RMDN2: variants seen among roughly 807,000 people sequenced by gnomAD.
RMDN2 encodes regulator of microtubule dynamics 2, also known as regulator of microtubule dynamics protein 2.
A neutral mutation model predicts 52.8 loss-of-function variants in RMDN2; 61 were observed. That is an observed-to-expected ratio of 1.16 (90% CI 0.94 to 1.43). The LOEUF (loss-of-function observed/expected upper bound fraction) is 1.43. RMDN2 is among the 40% of genes most tolerant of loss of function. The pLI, the probability that RMDN2 is intolerant of heterozygous loss-of-function variation, is 0.00. For synonymous variants in RMDN2, 180 were observed against 153.1 expected (o/e 1.18, Z -1.30); for missense variants, 592 against 475.3 (o/e 1.25, Z -2.28).
chr2:37,958,806 T>C (rs1669820136), intron 2 of RMDN2, among the ~76,000 whole-genome samples: 1 of 150,820 alleles, frequency 6.6e-6, no homozygotes, highest in Non-Finnish European at 1.5e-5. Flanking sequence ...TTTTCAGAGA[T>C]GTTCCCTCAA....
chr2:37,932,705 C>T (rs1666885837), intron 2 of RMDN2, among the ~76,000 whole-genome samples: 1 of 149,686 alleles, frequency 6.7e-6, no homozygotes, highest in South Asian at 2.1e-4. Context: ...CCCCCACCTC[C>T]CTCCCGGACG....
intron 10 of RMDN2, among the ~76,000 whole-genome samples, chr2:38,055,201 C>T (rs1681811559): frequency 6.6e-6 from 1 of 151,872 alleles, no homozygotes; most frequent in Admixed American, 6.6e-5. Flanking sequence ...CCTAGTTTCA[C>T]TCCTTCCCTC....
intron 10 of RMDN2, among the ~76,000 whole-genome samples, chr2:38,061,305 A>G (rs748093168): frequency 1.1e-4 from 17 of 152,132 alleles, no homozygotes; most frequent in Admixed American, 3.9e-4. Context: ...CTCAAGAGTC[A>G]ATGGCAGGGA....
intron 10 of RMDN2, among the ~76,000 whole-genome samples, chr2:38,066,643 T>A (rs1682294592): frequency 6.6e-6 from 1 of 152,198 alleles, no homozygotes; most frequent in East Asian, 1.9e-4. Flanking sequence ...CCTGTCTTAC[T>A]TATGTCCAAA....
At chr2:37,982,074 G>T (rs1223766648) in intron 5 of RMDN2, among the ~76,000 whole-genome samples, 1 of 151,880 alleles carries the variant, frequency 6.6e-6, no homozygotes, top group Non-Finnish European at 1.5e-5. Context: ...CCTTTCTTCA[G>T]CCCTAAGTTT....
chr2:38,023,157 G>C (rs910485618), intron 10 of RMDN2, among the ~76,000 whole-genome samples: 1 of 152,208 alleles, frequency 6.6e-6, no homozygotes, highest in Non-Finnish European at 1.5e-5. Flanking sequence ...AGATAGGGGA[G>C]CTAAAGCACA....
At position 38,064,670 on chromosome 2, in the gene RMDN2, G is replaced by A. The variant is rs1682196665; in HGVS notation, c.1714-2312G>A. ...TCCATAACAAAATTGTTGGGACTTA[G>A]TCCCTGCTTTTCAATGAATATACCA... On this transcript the variant is annotated intron_variant, in intron 10 of 10. Transcript: ENST00000234195. Among the ~76,000 whole-genome samples the A allele has an allele frequency of 2.6e-5, 4 of 151,934 alleles. No individual in the cohort carries two copies. In the South Asian group the frequency reaches 8.3e-4, roughly 31 times the overall value.
chr2:37,996,808 A>G (rs1435659736), intron 7 of RMDN2, among the ~76,000 whole-genome samples: 1 of 152,124 alleles, frequency 6.6e-6, no homozygotes, highest in Non-Finnish European at 1.5e-5. Context: ...AAGCAAAAAA[A>G]TCAGTGGTAA....
chr2:37,984,879 C>T (rs1673796357), intron 5 of RMDN2, among the ~76,000 whole-genome samples: 2 of 151,074 alleles, frequency 1.3e-5, no homozygotes, highest in South Asian at 2.1e-4. Flanking sequence ...TTTAAATGAA[C>T]AGTATTAAAA....
intron 8 of RMDN2, 193 bp downstream of exon 8, chr2:37,997,707 G>C (rs1483708015): frequency 1.7e-5 from 9 of 544,480 alleles, no homozygotes; most frequent in Non-Finnish European, 2.6e-5. Flanking sequence ...AGAACAACTA[G>C]TTATGCCCTA....
At chr2:38,010,438 T>C (rs904461896) in intron 10 of RMDN2, among the ~76,000 whole-genome samples, 1 of 152,316 alleles carries the variant, frequency 6.6e-6, no homozygotes, top group African/African-American at 2.4e-5. Flanking sequence ...GCCTTGCTGC[T>C]GCCTTGCAGT....
At chr2:38,013,228 C>T (rs150646342) in intron 10 of RMDN2, among the ~76,000 whole-genome samples, 21 of 152,270 alleles carry the variant, frequency 1.4e-4, no homozygotes, top group African/African-American at 4.8e-4. Context: ...AGTTGTTTGC[C>T]TGGAGGCAGT....
chr2:38,063,102 G>T (rs1479594941), intron 10 of RMDN2, among the ~76,000 whole-genome samples: 1 of 152,106 alleles, frequency 6.6e-6, no homozygotes, highest in Non-Finnish European at 1.5e-5. Flanking sequence ...CTTTATAGCA[G>T]CATGATTTAT....
At chr2:37,944,174 A>C (rs1354268002) in intron 2 of RMDN2, among the ~76,000 whole-genome samples, 5 of 152,150 alleles carry the variant, frequency 3.3e-5, no homozygotes, top group Admixed American at 3.3e-4. Context: ...CATAACCTGG[A>C]GATGAGGCCG....
intron 10 of RMDN2, among the ~76,000 whole-genome samples, chr2:38,004,578 A>G (rs1039471759): frequency 6.6e-6 from 1 of 152,032 alleles, no homozygotes; most frequent in Non-Finnish European, 1.5e-5. Flanking sequence ...TCCAGAACCT[A>G]TTCATCCTGC....
chr2:38,014,040 T>C (rs2125237019), intron 10 of RMDN2, among the ~76,000 whole-genome samples: 1 of 151,972 alleles, frequency 6.6e-6, no homozygotes, highest in Middle Eastern at 3.4e-3. Flanking sequence ...AACCCCATCT[T>C]TACTAAAAAA....
chr2:38,039,726 C>T (rs1455068304), intron 10 of RMDN2, among the ~76,000 whole-genome samples: 1 of 152,186 alleles, frequency 6.6e-6, no homozygotes, highest in South Asian at 2.1e-4. Context: ...TCAGAAGGGA[C>T]AGCTGGGAAG....
intron 10 of RMDN2, among the ~76,000 whole-genome samples, chr2:38,007,101 G>A (rs1184941737): frequency 6.6e-6 from 1 of 152,152 alleles, no homozygotes; most frequent in Admixed American, 6.5e-5. Context: ...GCTGGATTCG[G>A]TTTGCCAGTA....
At chr2:37,978,961 A>T (rs184243627) in intron 4 of RMDN2, among the ~76,000 whole-genome samples, 22 of 152,308 alleles carry the variant, frequency 1.4e-4, no homozygotes, top group African/African-American at 5.1e-4. Flanking sequence ...ATGGAATGGG[A>T]GTTTAACTGA....
Sources: allele counts gnomAD v4.1 joint callset (sites outside exome capture counted in the v4.1 genomes callset), GRCh38; gene constraint gnomAD v4.1.1; transcripts MANE v1.5; gene names NCBI Gene and HGNC (gene_info 2026-07-23, HGNC 2026-07-21).